TMEM131: variants seen among roughly 807,000 people sequenced by gnomAD.
TMEM131 encodes 2610524E03Rik.
A neutral mutation model predicts 211.6 loss-of-function variants in TMEM131; 66 were observed. The ratio of observed to expected loss-of-function variants is 0.31; its 90% CI spans 0.26 to 0.38. TMEM131 has a LOEUF of 0.38. TMEM131 is among the 10% of genes least tolerant of loss of function. The pLI, the probability that TMEM131 is intolerant of heterozygous loss-of-function variation, is 1.00. For missense variants in TMEM131, 2,036 were observed against 2,299.3 expected (o/e 0.89, Z 2.34); for synonymous variants, 844 against 841.3 (o/e 1.00, Z -0.06).
chr2:97,914,612 T>C (rs943986517), intron 2 of TMEM131, among the ~76,000 whole-genome samples: 2 of 152,244 alleles, frequency 1.3e-5, no homozygotes, highest in Admixed American at 1.3e-4. Context: ...AAAAAGGTCA[T>C]ATAAATGAAA....
intron 5 of TMEM131, among the ~76,000 whole-genome samples, chr2:97,851,674 G>T (rs945279138): frequency 2.0e-5 from 3 of 152,070 alleles, no homozygotes; most frequent in African/African-American, 7.2e-5. Flanking sequence ...GGTGATCTGT[G>T]ATCTTTGATG....
intron 36 of TMEM131, 102 bp from the exon 37 acceptor site, chr2:97,761,016 A>G: frequency 6.7e-7 from 1 of 1,485,614 alleles, no homozygotes; most frequent in Non-Finnish European, 9.2e-7. Flanking sequence ...GCTTCTCTGC[A>G]GCGGGGCAGC....
intron 1 of TMEM131, among the ~76,000 whole-genome samples, chr2:97,994,363 G>A (rs1439119065): frequency 6.6e-6 from 1 of 152,212 alleles, no homozygotes; most frequent in Non-Finnish European, 1.5e-5. Flanking sequence ...AGGTTGCTTA[G>A]AGAGTTAGAT....
intron 12 of TMEM131, among the ~76,000 whole-genome samples, chr2:97,816,039 T>C (rs1162938232): frequency 6.6e-6 from 1 of 152,184 alleles, no homozygotes; most frequent in Non-Finnish European, 1.5e-5. Flanking sequence ...TCAGATTTCA[T>C]AGCAGTTTTG....
At chr2:97,811,065 G>C in intron 18 of TMEM131, 63 bp downstream of exon 18, 1 of 1,154,318 alleles carries the variant, frequency 8.7e-7, no homozygotes, top group Non-Finnish European at 1.3e-6. Flanking sequence ...GTTTCATAAA[G>C]ACAAGAAAGG....
chr2:97,935,255 G>A (rs1677393685), intron 1 of TMEM131, among the ~76,000 whole-genome samples: 1 of 152,120 alleles, frequency 6.6e-6, no homozygotes, highest in Admixed American at 6.6e-5. Flanking sequence ...TATCAGGATG[G>A]TGAAAATGAA....
At position 97,756,374 on chromosome 2, in the gene TMEM131, A is replaced by AAGTT. The variant is rs1678480793; in HGVS notation, c.*721_*724dup. Reference sequence around the variant, plus strand: ...ATCATTTATTTCAAAGTACAACACAAAGTTGTATTTTTAAGAAATACACAT... The same window carrying AAGTT: ...ATCATTTATTTCAAAGTACAACACAAAGTTAGTTGTATTTTTAAGAAATACACAT... On this transcript the variant is annotated 3_prime_UTR_variant, in exon 41 of 41. Transcript: ENST00000186436. 6.6e-6 allele frequency: 1 copy of AAGTT among 152,252 alleles called. No individual in the cohort carries two copies. Among genetic ancestry groups the AAGTT allele is most frequent in the Non-Finnish European group, 1.5e-5 (1 of 68,050 alleles). 9.4% of individuals were successfully genotyped at this position (152,252 alleles called of 1,614,324 possible).
chr2:97,954,018 T>G (rs1678447195), intron 1 of TMEM131, among the ~76,000 whole-genome samples: 1 of 152,186 alleles, frequency 6.6e-6, no homozygotes, highest in Non-Finnish European at 1.5e-5. Flanking sequence ...AAAACAGTTC[T>G]GACCGAAACA....
chr2:97,974,299 G>A (rs1028089165), intron 1 of TMEM131, among the ~76,000 whole-genome samples: 22 of 152,004 alleles, frequency 1.4e-4, no homozygotes, highest in Admixed American at 1.4e-3. Context: ...AATGGAACAC[G>A]CAGGAAAAGA....
intron 3 of TMEM131, among the ~76,000 whole-genome samples, chr2:97,889,642 C>A (rs1675300431): frequency 6.7e-6 from 1 of 150,282 alleles, no homozygotes. Context: ...ATTCCATGGA[C>A]TGTTTAGATG....
At chr2:97,909,171 T>G (rs1379168081) in intron 2 of TMEM131, among the ~76,000 whole-genome samples, 3 of 152,114 alleles carry the variant, frequency 2.0e-5, no homozygotes, top group Admixed American at 6.5e-5. Context: ...TTGCCATACT[T>G]AAACACATCA....
intron 31 of TMEM131, among the ~76,000 whole-genome samples, chr2:97,776,580 G>C (rs951984873): frequency 3.3e-5 from 5 of 152,192 alleles, no homozygotes; most frequent in Admixed American, 2.6e-4. Flanking sequence ...AGTTCAGTGA[G>C]TTTGGACAAA....
chr2:97,847,523 G>A (rs1410172586), intron 5 of TMEM131, among the ~76,000 whole-genome samples: 1 of 152,136 alleles, frequency 6.6e-6, no homozygotes, highest in African/African-American at 2.4e-5. Flanking sequence ...ACTACTGAAA[G>A]TAACTGAAGA....
chr2:97,881,707 C>CAAAA (rs1205367293), intron 4 of TMEM131, among the ~76,000 whole-genome samples: 3 of 55,346 alleles, frequency 5.4e-5, no homozygotes, highest in Non-Finnish European at 9.8e-5. Flanking sequence ...TGGATAACTG[C>CAAAA]AAAAAAAAAA....
intron 3 of TMEM131, among the ~76,000 whole-genome samples, chr2:97,897,396 T>C (rs530216111): frequency 5.9e-5 from 9 of 152,232 alleles, no homozygotes; most frequent in Non-Finnish European, 8.8e-5. Flanking sequence ...ATTAATACCA[T>C]GTTAACTGTT....
intron 28 of TMEM131, among the ~76,000 whole-genome samples, chr2:97,795,825 C>T (rs1288260839): frequency 3.3e-5 from 5 of 152,034 alleles, no homozygotes; most frequent in Admixed American, 1.3e-4. Flanking sequence ...ATTACATATC[C>T]GTATACTGCA....
In TMEM131 at chr2:97,860,812, CA is replaced by C. The variant is rs573725475; in HGVS notation, c.360-1386del. On this transcript the variant is annotated intron_variant, in intron 4 of 40. Coordinates refer to ENST00000186436, the MANE Select transcript of TMEM131 (RefSeq NM_015348.2). ...CCAAAAAAATCACCTTCATAAGAAC[CA>C]AAAATCAGGTGAGCACTCACAGTAC... 2.6e-3 allele frequency among the ~76,000 whole-genome samples: 399 copies of C among 152,276 alleles called. 2 individuals are homozygous for C. The highest frequency in any genetic ancestry group is 9.1e-3 in the African/African-American group (378 of 41,536).
rs1296991749 is a variant in TMEM131, at chr2:97,979,035, T to C, written c.187+16441A>G. On this transcript the variant is annotated intron_variant, in intron 1 of 40. Coordinates refer to ENST00000186436, the MANE Select transcript of TMEM131 (RefSeq NM_015348.2). Reference sequence around the variant, plus strand: ...CACGAAAACAACATGCAGCTCCTTGTACATCTCCATCAGTGCTCCTGGGTG... The same window carrying C: ...CACGAAAACAACATGCAGCTCCTTGCACATCTCCATCAGTGCTCCTGGGTG... Among the ~76,000 whole-genome samples, 5 of 152,252 alleles carry C rather than the reference T, an allele frequency of 3.3e-5. No homozygotes were observed. In the East Asian group the frequency reaches 7.7e-4, roughly 23 times the overall value.
intron 1 of TMEM131, among the ~76,000 whole-genome samples, chr2:97,934,179 T>A (rs190932252): frequency 6.6e-6 from 1 of 152,280 alleles, no homozygotes; most frequent in East Asian, 1.9e-4. Flanking sequence ...AGTTGCAGAA[T>A]ACAAGGTCTA....
Sources: gnomAD v4.1 joint callset for allele counts (sites outside exome capture counted in the v4.1 genomes callset) on GRCh38, gnomAD v4.1.1 for gene constraint, MANE v1.5 for transcripts, NCBI Gene and HGNC (gene_info 2026-07-23, HGNC 2026-07-21) for gene names.